The following ZFHX3 variants were observed in gnomAD, a reference collection of about 807,000 sequenced individuals.
ZFHX3 encodes zinc finger homeobox protein 3.
Under a neutral mutation model 279.1 loss-of-function variants are expected in ZFHX3, and 42 were observed. That is an observed-to-expected ratio of 0.15 (90% CI 0.12 to 0.19). ZFHX3 has a LOEUF of 0.19. ZFHX3 is among the 10% of genes least tolerant of loss of function. The pLI is 1.00. For missense variants in ZFHX3, 4,981 were observed against 4,754.0 expected, an observed-to-expected ratio of 1.05 and a Z score of -1.40; for synonymous variants, 2,293 against 1,957.8, an observed-to-expected ratio of 1.17 and a Z score of -4.52.
At chr16:73,662,427 T>C (rs1028155027) in intron 2 of ZFHX3, among the ~76,000 whole-genome samples, 3 of 152,180 alleles carry the variant, frequency 2.0e-5, no homozygotes, top group Non-Finnish European at 4.4e-5. Context: ...ACGAGACACA[T>C]GCACGTATAT....
In ZFHX3 at chr16:73,665,362, A is replaced by C. The variant is rs564451260; in HGVS notation, c.-1547+14818T>G. On this transcript the variant is annotated intron_variant, in intron 2 of 17. Transcript: ENST00000641206. ...CCGAGTAGCTGGGATTACAGGCTCC[A>C]GCCACCATGCCCAGCTAATTTTTGT... Among the ~76,000 whole-genome samples, 882 of 151,660 alleles carry C rather than the reference A, an allele frequency of 5.8e-3. 12 individuals carry two copies. The highest frequency in any genetic ancestry group is 0.02 in the African/African-American group (824 of 41,116).
chr16:73,167,725 A>C (rs1224770328), intron 5 of ZFHX3, among the ~76,000 whole-genome samples: 1 of 152,242 alleles, frequency 6.6e-6, no homozygotes, highest in Non-Finnish European at 1.5e-5. Context: ...ATTCAAGAGA[A>C]GAATAGCAAC....
Position 73,160,026 on chromosome 16 carries a change from G to A in ZFHX3, c.-1103-16195C>T, listed in dbSNP as rs149606854. Among the ~76,000 whole-genome samples the A allele has an allele frequency of 2.0e-5, 3 of 152,290 alleles. No homozygotes were observed. The East Asian group carries it at 5.8e-4, about 29-fold the overall frequency. On this transcript the variant is annotated intron_variant, in intron 5 of 17. Coordinates refer to the ZFHX3 transcript ENST00000641206. ...GGTCCGCCTGTCTTGGCCTCCTAAA[G>A]TGCTGGGATTACAGGCATGAGCCTC...
intron 2 of ZFHX3, among the ~76,000 whole-genome samples, chr16:73,673,847 G>T (rs747583782): frequency 4.6e-5 from 7 of 152,106 alleles, no homozygotes; most frequent in Admixed American, 3.3e-4. Context: ...ACTAGGAATT[G>T]ATCTAGAACG....
At chr16:73,264,618 G>C (rs934298886) in intron 4 of ZFHX3, among the ~76,000 whole-genome samples, 1 of 151,852 alleles carries the variant, frequency 6.6e-6, no homozygotes, top group African/African-American at 2.4e-5. Flanking sequence ...TGGGGAACGG[G>C]TGGTATTTGG....
At chr16:72,847,959 C>T (rs1376640946) in intron 4 of ZFHX3, among the ~76,000 whole-genome samples, 2 of 152,148 alleles carry the variant, frequency 1.3e-5, no homozygotes, top group Admixed American at 6.5e-5. Flanking sequence ...ATCAGGAGAA[C>T]TGTGTTTTGG....
intron 1 of ZFHX3, among the ~76,000 whole-genome samples, chr16:73,700,018 T>C (rs945048528): frequency 2.0e-5 from 3 of 151,262 alleles, no homozygotes; most frequent in Non-Finnish European, 4.4e-5. Context: ...AGCCCAGGAG[T>C]TCAAGACCAG....
chr16:73,619,499 A>T (rs34873486), intron 2 of ZFHX3, among the ~76,000 whole-genome samples: 92,681 of 120,572 alleles, frequency 0.77, 35,366 homozygotes, highest in East Asian at 0.94. Flanking sequence ...AAAAAAAAAA[A>T]TTATATATAT....
chr16:73,058,381 G>C (rs1485210000), intron 1 of ZFHX3: 1 of 169,446 alleles, frequency 5.9e-6, no homozygotes, highest in East Asian at 1.5e-4. Context: ...GGCCGGGCGC[G>C]AGAGCCGGGA....
At position 73,716,612 on chromosome 16, in the gene ZFHX3, A is replaced by AACAC. The variant is rs144449904; in HGVS notation, c.-1607-36376_-1607-36373dup. Among the ~76,000 whole-genome samples, 246 of 31,794 alleles carry AACAC rather than the reference A, an allele frequency of 7.7e-3. 1 individual carries two copies. The highest frequency in any genetic ancestry group is 0.011 in the African/African-American group (214 of 19,992). The allele number at this position is 31,794 out of a possible 152,430, so 20.9% of individuals were successfully genotyped here. On this transcript the variant is annotated intron_variant, in intron 1 of 17. Transcript: ENST00000641206. The stretch of plus-strand genomic sequence containing the variant: ...CTTCTCCCCCAGAATTCTTACTCTG[A>AACAC]ACACACACACACACACACACACACA...
chr16:73,054,348 G>A (rs1298287824), intron 1 of ZFHX3, among the ~76,000 whole-genome samples: 4 of 151,424 alleles, frequency 2.6e-5, no homozygotes, highest in South Asian at 4.2e-4. Context: ...AGCGCCACCA[G>A]CCCGGTTCCC....
intron 2 of ZFHX3, among the ~76,000 whole-genome samples, chr16:73,666,156 T>A (rs1334655197): frequency 6.6e-6 from 1 of 151,864 alleles, no homozygotes; most frequent in African/African-American, 2.4e-5. Flanking sequence ...GAGTGGCAGT[T>A]TGTGGGCTGG....
At chr16:73,109,994 A>C (rs1406901711) in intron 7 of ZFHX3, among the ~76,000 whole-genome samples, 1 of 152,150 alleles carries the variant, frequency 6.6e-6, no homozygotes, top group African/African-American at 2.4e-5. Flanking sequence ...TAATCCCAGC[A>C]CTTTGGGAGG....
chr16:73,513,855 G>A (rs373277185), intron 2 of ZFHX3, among the ~76,000 whole-genome samples: 1 of 152,062 alleles, frequency 6.6e-6, no homozygotes, highest in African/African-American at 2.4e-5. Flanking sequence ...CAAGCAGAAG[G>A]ACACAGCCCA....
intron 1 of ZFHX3, among the ~76,000 whole-genome samples, chr16:73,884,588 C>G (rs1246440525): frequency 6.6e-6 from 1 of 152,134 alleles, no homozygotes; most frequent in Admixed American, 6.6e-5. Flanking sequence ...GTGGTGTTTC[C>G]AACCACAGAT....
intron 2 of ZFHX3, among the ~76,000 whole-genome samples, chr16:73,618,080 C>A (rs1008256069): frequency 2.6e-5 from 4 of 152,168 alleles, no homozygotes; most frequent in African/African-American, 7.2e-5. Context: ...TCTTCTTGTG[C>A]CTGGCAAATG....
At chr16:72,901,173 G>C (rs959197664) in intron 3 of ZFHX3, among the ~76,000 whole-genome samples, 12 of 152,190 alleles carry the variant, frequency 7.9e-5, no homozygotes, top group African/African-American at 2.7e-4. Context: ...CTCTTGATGG[G>C]AAAGCATGAG....
Position 72,785,560 on chromosome 16 carries a change from T to TA in ZFHX3, c.*1603dup, listed in dbSNP as rs1178361933. 1 of 152,590 alleles carries TA rather than the reference T, an allele frequency of 6.6e-6. No individual in the cohort carries two copies. The highest frequency in any genetic ancestry group is 1.9e-4 in the East Asian group (1 of 5,194). 9.5% of individuals were successfully genotyped at this position (152,590 alleles called of 1,614,324 possible). A position where few individuals can be genotyped will look rare whatever the true frequency, so the allele number is the denominator to read the frequency against. On this transcript the variant is annotated 3_prime_UTR_variant, in exon 10 of 10. Transcript: ENST00000268489. ...TTTAAATCAGAAACAAATTCTCAAG[T>TA]AACAAGAACCCTTTCCCTTTTTTCT...
At chr16:73,390,264 C>T (rs554904315) in intron 3 of ZFHX3, among the ~76,000 whole-genome samples, 180 of 152,152 alleles carry the variant, frequency 1.2e-3, no homozygotes, top group Admixed American at 2.2e-3. Context: ...GCCATGAGTA[C>T]TGTGAAGATA....
Sources: gnomAD v4.1 joint callset for allele counts (sites outside exome capture counted in the v4.1 genomes callset) on GRCh38, gnomAD v4.1.1 for gene constraint, MANE v1.5 for transcripts, NCBI Gene and HGNC (gene_info 2026-07-23, HGNC 2026-07-21) for gene names.